ATAD2B: variants seen among roughly 807,000 people sequenced by gnomAD.
ATAD2B encodes ATPase family AAA domain-containing protein 2B.
ATAD2B carries 40 observed loss-of-function variants against 167.6 expected under a neutral mutation model. The ratio of observed to expected loss-of-function variants is 0.24; its 90% CI spans 0.19 to 0.31. The LOEUF is 0.31. Ranked by LOEUF, ATAD2B falls within the 10% of genes least tolerant of loss-of-function variation. ATAD2B has a pLI of 1.00. For missense variants in ATAD2B, 1,242 were observed against 1,757.2 expected, an observed-to-expected ratio of 0.71 and a Z score of 5.24; for synonymous variants, 579 against 596.5, an observed-to-expected ratio of 0.97 and a Z score of 0.43.
At chr2:23,878,010 CAAAGAAAAAAAAAAAAA>C (rs1697219428) in intron 7 of ATAD2B, among the ~76,000 whole-genome samples, 2 of 28,608 alleles carry the variant, frequency 7.0e-5, no homozygotes, top group African/African-American at 2.5e-4. Flanking sequence ...ACCCTATCTC[CAAAGAAAAAAAAAAAAA>C]AAAAAAAAAA....
At chr2:23,721,502 C>G in the ATAD2B span, among the ~76,000 whole-genome samples, 1 of 152,198 alleles carries the variant, frequency 6.6e-6, no homozygotes, top group East Asian at 1.9e-4. Context: ...CATCCCCAGG[C>G]CAGCTGAACA....
intron 1 of ATAD2B, among the ~76,000 whole-genome samples, chr2:23,918,946 G>C (rs1050666892): frequency 1.3e-5 from 2 of 152,186 alleles, no homozygotes; most frequent in Non-Finnish European, 2.9e-5. Context: ...AGGATTGAAT[G>C]AGACAGCATT....
At chr2:23,869,197 G>A (rs1695568948) in intron 9 of ATAD2B, among the ~76,000 whole-genome samples, 1 of 152,136 alleles carries the variant, frequency 6.6e-6, no homozygotes, top group Non-Finnish European at 1.5e-5. Flanking sequence ...CCTAGTTAGG[G>A]AAAGATCACC....
At chr2:23,689,583 C>T in the ATAD2B span, 1 of 152,456 alleles carries the variant, frequency 6.6e-6, no homozygotes, top group African/African-American at 2.4e-5. Flanking sequence ...TTGAGCTCCT[C>T]TGCCTGAGGA....
At chr2:23,894,288 C>T (rs1191903559) in intron 2 of ATAD2B, among the ~76,000 whole-genome samples, 2 of 151,748 alleles carry the variant, frequency 1.3e-5, no homozygotes, top group African/African-American at 4.8e-5. Flanking sequence ...TCAAGACCAG[C>T]CTGACCAACA....
At chr2:23,737,605 G>A in the ATAD2B span, among the ~76,000 whole-genome samples, 2 of 152,160 alleles carry the variant, frequency 1.3e-5, no homozygotes, top group Non-Finnish European at 2.9e-5. Flanking sequence ...GGAAAAAACA[G>A]AGCAGGAAAA....
chr2:23,796,438 A>G (rs1291301131), intron 19 of ATAD2B, among the ~76,000 whole-genome samples: 1 of 152,206 alleles, frequency 6.6e-6, no homozygotes, highest in Non-Finnish European at 1.5e-5. Context: ...TACTAAACCA[A>G]CAGTAAAATT....
intron 24 of ATAD2B, among the ~76,000 whole-genome samples, chr2:23,761,335 C>A (rs1402032243): frequency 6.6e-6 from 1 of 152,202 alleles, no homozygotes; most frequent in Non-Finnish European, 1.5e-5. Context: ...GCTTTACTGA[C>A]AAAGTAGTTC....
the ATAD2B span, among the ~76,000 whole-genome samples, chr2:23,743,659 T>C: frequency 6.6e-6 from 1 of 152,026 alleles, no homozygotes; most frequent in Non-Finnish European, 1.5e-5. Flanking sequence ...AGGGTGTCAC[T>C]CTGTCACTCA....
intron 22 of ATAD2B, among the ~76,000 whole-genome samples, chr2:23,781,151 G>A (rs1305645480): frequency 1.3e-5 from 2 of 151,868 alleles, no homozygotes; most frequent in Non-Finnish European, 2.9e-5. Flanking sequence ...CTGACAGCCA[G>A]GAGCTGGCCT....
At chr2:23,801,041 T>TA (rs1318079674) in intron 18 of ATAD2B, among the ~76,000 whole-genome samples, 1 of 152,110 alleles carries the variant, frequency 6.6e-6, no homozygotes, top group Non-Finnish European at 1.5e-5. Context: ...CTACAAAAAC[T>TA]AAAAAGCACT....
At chr2:23,853,245 A>G (rs1214127976) in intron 13 of ATAD2B, among the ~76,000 whole-genome samples, 2 of 152,224 alleles carry the variant, frequency 1.3e-5, no homozygotes. Flanking sequence ...AGAAATAAGA[A>G]AAAGAAATAA....
At chr2:23,910,017 C>G (rs1702043706) in intron 1 of ATAD2B, among the ~76,000 whole-genome samples, 7 of 151,232 alleles carry the variant, frequency 4.6e-5, no homozygotes, top group Admixed American at 4.6e-4. Context: ...CACACACGAC[C>G]ATACCAGGCT....
chr2:23,818,129 CACACACACACACAG>C (rs1686800528), intron 17 of ATAD2B, among the ~76,000 whole-genome samples: 1 of 135,756 alleles, frequency 7.4e-6, no homozygotes, highest in Non-Finnish European at 1.6e-5. Flanking sequence ...ACATTACACA[CACACACACACACAG>C]AGAGAGAGAA....
the ATAD2B span, among the ~76,000 whole-genome samples, chr2:23,683,876 C>G: frequency 3.3e-5 from 5 of 152,156 alleles, no homozygotes; most frequent in Admixed American, 3.3e-4. Context: ...GGGGTCTCCT[C>G]CCACGCCATG....
chr2:23,832,835 T>A (rs1471008815), intron 14 of ATAD2B, among the ~76,000 whole-genome samples: 1 of 152,106 alleles, frequency 6.6e-6, no homozygotes, highest in Non-Finnish European at 1.5e-5. Context: ...TACTGAAGAG[T>A]ATAAAAGCTG....
intron 18 of ATAD2B, among the ~76,000 whole-genome samples, chr2:23,804,598 A>C (rs1684038204): frequency 6.6e-6 from 1 of 152,068 alleles, no homozygotes; most frequent in African/African-American, 2.4e-5. Context: ...CAAGAAGCGT[A>C]CAAGAGACCA....
At chr2:23,852,600 T>C (rs1412150484) in intron 13 of ATAD2B, among the ~76,000 whole-genome samples, 2 of 152,188 alleles carry the variant, frequency 1.3e-5, no homozygotes, top group African/African-American at 4.8e-5. Context: ...TGAGGTTTAT[T>C]CTAAGAATGC....
intron 17 of ATAD2B, among the ~76,000 whole-genome samples, chr2:23,812,809 G>A (rs1685811463): frequency 7.2e-6 from 1 of 139,504 alleles, no homozygotes; most frequent in Non-Finnish European, 1.5e-5. Flanking sequence ...GTTGCAGTGA[G>A]CCAAGATCTC....
Sources: allele counts gnomAD v4.1 joint callset (sites outside exome capture counted in the v4.1 genomes callset), GRCh38; gene constraint gnomAD v4.1.1; transcripts MANE v1.5; gene names NCBI Gene and HGNC (gene_info 2026-07-23, HGNC 2026-07-21).